Variants in PCDH15 observed in about 807,000 individuals in gnomAD.
PCDH15 encodes the protein protocadherin related 15, also known as protocadherin-15.
A neutral mutation model predicts 178.5 loss-of-function variants in PCDH15; 129 were observed. That is an observed-to-expected ratio of 0.72 (90% CI 0.63 to 0.84). PCDH15 has a LOEUF of 0.84. PCDH15 is among the 40% of genes least tolerant of loss of function. The pLI, the probability that PCDH15 is intolerant of heterozygous loss-of-function variation, is 0.00. For missense variants in PCDH15, 2,230 were observed against 2,099.9 expected, an observed-to-expected ratio of 1.06 and a Z score of -1.21; for synonymous variants, 800 against 732.0, an observed-to-expected ratio of 1.09 and a Z score of -1.50.
intron 3 of PCDH15, among the ~76,000 whole-genome samples, chr10:54,831,469 T>C (rs1221938387): frequency 3.2e-4 from 48 of 152,250 alleles, no homozygotes; most frequent in Non-Finnish European, 1.5e-5. Context: ...TTTAACATTG[T>C]GATGTCTGCT....
rs7093302 is a variant in PCDH15, at chr10:54,183,424, T to C, written c.1590+20A>G. On this transcript the variant is annotated intron_variant, in intron 13 of 37. Transcript: ENST00000644397. ...TAAATAACAGCTTTGAGTGTACACT[T>C]ATATTATGTGAGTAGTTACCTGTAT... 0.71 allele frequency: 1,128,708 copies of C among 1,589,456 alleles called. 412,237 individuals are homozygous for C. The highest frequency in any genetic ancestry group is 0.85 in the African/African-American group (63,156 of 74,146).
chr10:53,842,313 A>C (rs1421530412), intron 28 of PCDH15, among the ~76,000 whole-genome samples: 1 of 151,922 alleles, frequency 6.6e-6, no homozygotes, highest in Non-Finnish European at 1.5e-5. Context: ...CTGGAGTGCA[A>C]TGGGGCAATC....
chr10:54,728,647 C>T (rs1356141979), intron 1 of PCDH15, among the ~76,000 whole-genome samples: 2 of 151,024 alleles, frequency 1.3e-5, no homozygotes, highest in Non-Finnish European at 3.0e-5. Context: ...TTCAAACTAT[C>T]TCTGTAGACA....
upstream of PCDH15, among the ~76,000 whole-genome samples, chr10:54,802,296 C>T (rs767332041): frequency 6.6e-6 from 1 of 152,180 alleles, no homozygotes; most frequent in Admixed American, 6.6e-5. Context: ...ACAAAATGGA[C>T]TTATCTTGCA....
chr10:54,781,838 CAT>C (rs1950391437), intron 1 of PCDH15, among the ~76,000 whole-genome samples: 1 of 152,082 alleles, frequency 6.6e-6, no homozygotes, highest in Admixed American at 6.6e-5. Flanking sequence ...AATAGGAAGA[CAT>C]ATTTCAAACA....
chr10:54,205,617 G>C (rs1279180959), intron 10 of PCDH15, among the ~76,000 whole-genome samples: 1 of 151,438 alleles, frequency 6.6e-6, no homozygotes, highest in African/African-American at 2.4e-5. Context: ...GCCATTAAAA[G>C]TAATGGCAAA....
chr10:54,940,650 T>C (rs1808096027), intron 2 of PCDH15, among the ~76,000 whole-genome samples: 2 of 152,146 alleles, frequency 1.3e-5, no homozygotes, highest in South Asian at 4.1e-4. Context: ...GCAGATATGG[T>C]TGCATTCTCT....
chr10:55,309,523 A>T (rs1007822123), intron 1 of PCDH15, among the ~76,000 whole-genome samples: 155 of 142,778 alleles, frequency 1.1e-3, no homozygotes, highest in Non-Finnish European at 1.4e-3. Context: ...CTTATCTTTT[A>T]AAAAAAAAAA....
At chr10:53,882,515 C>G (rs1564676328) in intron 26 of PCDH15, among the ~76,000 whole-genome samples, 1 of 152,178 alleles carries the variant, frequency 6.6e-6, no homozygotes, top group Non-Finnish European at 1.5e-5. Context: ...GCACGCGCCA[C>G]CACGCATGGC....
chr10:54,383,627 T>TGTGTGTG (rs1589141516), intron 3 of PCDH15, among the ~76,000 whole-genome samples: 2,271 of 104,774 alleles, frequency 0.022, 52 homozygotes, highest in Middle Eastern at 0.027. Flanking sequence ...GTATGTGTGT[T>TGTGTGTG]TTTGTGTGTG....
intron 1 of PCDH15, among the ~76,000 whole-genome samples, chr10:54,724,630 A>AT (rs1942191257): frequency 6.6e-6 from 1 of 151,616 alleles, no homozygotes; most frequent in African/African-American, 2.4e-5. Flanking sequence ...CAGAATATAT[A>AT]AAAGTATATT....
At chr10:54,672,482 G>A (rs74136240) in intron 1 of PCDH15, among the ~76,000 whole-genome samples, 3,304 of 152,202 alleles carry the variant, frequency 0.022, 61 homozygotes, top group Middle Eastern at 0.034. Context: ...GCACATTGGA[G>A]AAAGATAAAT....
intron 8 of PCDH15, among the ~76,000 whole-genome samples, chr10:54,308,798 G>A (rs574082769): frequency 4.6e-5 from 7 of 150,986 alleles, no homozygotes; most frequent in African/African-American, 1.7e-4. Flanking sequence ...CCGACCCCCA[G>A]ACAGGCCCCC....
rs184254572 is a variant in PCDH15 at position 55,025,891 on chromosome 10, A to G, written c.-79-128391T>C. On this transcript the variant is annotated intron_variant, in intron 2 of 5. Transcript: ENST00000458638. ...AGTGTAAGGGGACTTTAGAGTCAGT[A>G]AAGATTATAAGATTACATTTGATTT... 3.1e-3 allele frequency among the ~76,000 whole-genome samples: 467 copies of G among 152,150 alleles called. 3 individuals carry two copies. Among genetic ancestry groups the G allele is most frequent in the African/African-American group, 0.011 (456 of 41,558 alleles).
intron 3 of PCDH15, among the ~76,000 whole-genome samples, chr10:54,426,316 G>A (rs1953059): frequency 0.38 from 57,618 of 151,964 alleles, 12,421 homozygotes; most frequent in Non-Finnish European, 0.5. Flanking sequence ...GGAAGGTTTC[G>A]GGATGAAACT....
At chr10:54,457,022 T>C (rs1030738609) in intron 3 of PCDH15, among the ~76,000 whole-genome samples, 1 of 152,172 alleles carries the variant, frequency 6.6e-6, no homozygotes, top group African/African-American at 2.4e-5. Context: ...CACAGGTGTT[T>C]CTTCATAGTG....
intron 15 of PCDH15, among the ~76,000 whole-genome samples, chr10:54,118,762 G>A (rs2095162144): frequency 7.2e-6 from 1 of 138,740 alleles, no homozygotes; most frequent in Non-Finnish European, 1.5e-5. Flanking sequence ...AGAAAACCTA[G>A]GAAAGTTTTA....
intron 25 of PCDH15, among the ~76,000 whole-genome samples, chr10:53,912,030 C>T (rs887780497): frequency 2.0e-5 from 3 of 152,198 alleles, no homozygotes; most frequent in Admixed American, 6.5e-5. Flanking sequence ...TGATGAACAT[C>T]GATGTGAAAA....
chr10:55,392,557 A>G (rs1423809536), intron 2 of PCDH15, among the ~76,000 whole-genome samples: 2 of 152,132 alleles, frequency 1.3e-5, no homozygotes. Context: ...TTGCAATCAA[A>G]TGTGGAGGAA....
Sources: gnomAD v4.1 joint callset for allele counts (sites outside exome capture counted in the v4.1 genomes callset) on GRCh38, gnomAD v4.1.1 for gene constraint, MANE v1.5 for transcripts, NCBI Gene and HGNC (gene_info 2026-07-23, HGNC 2026-07-21) for gene names.